CC2D1B: variants seen among roughly 807,000 people sequenced by gnomAD.
CC2D1B encodes the protein coiled-coil and C2 domain containing 1B.
In CC2D1B, 92 loss-of-function variants were observed where a neutral mutation model predicts 110.8. The ratio of observed to expected loss-of-function variants is 0.83; its 90% confidence interval spans 0.70 to 0.99. The LOEUF is 0.99. Ranked by LOEUF, CC2D1B falls within the 50% of genes least tolerant of loss-of-function variation. The pLI is 0.00. For synonymous variants in CC2D1B, 406 were observed against 429.2 expected, an observed-to-expected ratio of 0.95 and a Z score of 0.67; for missense variants, 1,136 against 1,089.0, an observed-to-expected ratio of 1.04 and a Z score of -0.61.
chr1:52,354,909 T>G lies in CC2D1B; in HGVS notation c.2270A>C (p.Asn757Thr), dbSNP rs373099868. 1.9e-6 allele frequency: 3 copies of G among 1,613,994 alleles called. No individual in the cohort carries two copies. Among genetic ancestry groups the G allele is most frequent in the East Asian group, 2.2e-5 (1 of 44,872 alleles). Residue 757 changes from asparagine to threonine, a missense_variant, in exon 22 of 25, where the codon AAC becomes ACC. Coordinates refer to ENST00000284376, the MANE Select transcript of CC2D1B (RefSeq NM_001330585.2). ...EFDQLFKLNI[N>T]RNHRGFKRVI... ...CCTCTTGAAGCCCCGGTGGTTTCGG[T>G]TGATGTTTAGTTTGAAGAGTTGATC...
At chr1:52,354,981 G>A (rs1646616241) in intron 21 of CC2D1B, 42 bp from the exon 22 acceptor site, 2 of 1,521,520 alleles carry the variant, frequency 1.3e-6, no homozygotes, top group Non-Finnish European at 1.8e-6. Flanking sequence ...TGGCTCTCGG[G>A]ATTTCCTGAG....
chr1:52,364,683 C>A (rs1260389848), intron 1 of CC2D1B, 49 bp from the exon 2 acceptor site: 2 of 1,273,812 alleles, frequency 1.6e-6, no homozygotes, highest in African/African-American at 2.9e-5. Context: ...ATAAGCCACG[C>A]CCCCAACAGT....
intron 2 of CC2D1B, 76 bp downstream of exon 2, chr1:52,364,476 G>T: frequency 2.2e-6 from 2 of 897,366 alleles, no homozygotes; most frequent in South Asian, 3.5e-5. Flanking sequence ...AACTACATGT[G>T]ATCCAGTTTG....
At position 52,356,279 on chromosome 1, in the gene CC2D1B, C is replaced by G. The variant is rs759148224; in HGVS notation, c.1961G>C (p.Arg654Pro). 3.1e-6 allele frequency: 5 copies of G among 1,614,178 alleles called. No homozygotes were observed. The highest frequency in any genetic ancestry group is 2.2e-5 in the East Asian group (1 of 44,876). The change falls in exon 18 of 25, where the codon CGC becomes CCC. Residue 654 changes from arginine (R) to proline (P), a missense_variant. Arg to Pro is a moderately radical substitution (Grantham distance 103). Coordinates refer to ENST00000284376, the MANE Select transcript of CC2D1B (RefSeq NM_001330585.2). ...TTRFEKLAQD[R>P]KKQLEILQLA... ...CTGCAGGATCTCCAGCTGTTTCTTG[C>G]GGTCCTGAGCAAGCTTCTCAAATCT...
intron 7 of CC2D1B, 29 bp from the exon 8 acceptor site, chr1:52,359,912 G>A (rs778688582): frequency 6.3e-7 from 1 of 1,598,050 alleles, no homozygotes; most frequent in South Asian, 1.1e-5. Flanking sequence ...TCCCCAGAGA[G>A]CACATGAGGG....
chr1:52,361,244 T>A, intron 4 of CC2D1B, 112 bp from the exon 5 acceptor site: 1 of 1,331,680 alleles, frequency 7.5e-7, no homozygotes, highest in Non-Finnish European at 1.0e-6. Flanking sequence ...CGTCAGTCAC[T>A]GTGCCTGAGT....
rs919529717 is a variant in CC2D1B at position 52,353,319 on chromosome 1, A to ATAGTT, written c.*2-101_*2-97dup. ...TTCCTGAAGATAGATAGATAGATAGATAGTTAAACCTTGGAAGGTTACCTT... is the reference window on the plus strand; with the variant it reads ...TTCCTGAAGATAGATAGATAGATAGATAGTTTAGTTAAACCTTGGAAGGTTACCTT... On this transcript the variant is annotated intron_variant, in intron 24 of 24. Transcript: ENST00000284376. The ATAGTT allele has an allele frequency of 1.6e-5, 23 of 1,468,306 alleles. No homozygotes were observed. The Admixed American group carries it at 2.8e-4, about 18-fold the overall frequency. 91.0% of individuals were successfully genotyped at this position (1,468,306 alleles called of 1,614,324 possible).
chr1:52,359,923 T>C, intron 7 of CC2D1B, 40 bp from the exon 8 acceptor site: 1 of 1,589,972 alleles, frequency 6.3e-7, no homozygotes, highest in East Asian at 2.3e-5. Flanking sequence ...CACATGAGGG[T>C]CACAGAAGAA....
chr1:52,365,067 G>A (rs1271186943), intron 1 of CC2D1B, among the ~76,000 whole-genome samples: 1 of 152,186 alleles, frequency 6.6e-6, no homozygotes, highest in Non-Finnish European at 1.5e-5. Context: ...TGTGGTGAGG[G>A]GCTATGACCA....
In CC2D1B at chr1:52,361,118, C is replaced by T; in HGVS notation, c.333G>A (p.Glu111=). The part of the protein sequence containing the change: ...EDAELLTELQ[E]VLGVDEETEP... ...CAGTCTCCTCGTCCACACCTAAGAC[C>T]TCCTGCAGCTCCGTCTAGGGAGACA... The change falls in exon 5 of 25, where the codon GAG becomes GAA. Residue 111 remains glutamate (E), a synonymous_variant. Transcript: ENST00000284376. 1 of 1,614,084 alleles carries T rather than the reference C, an allele frequency of 6.2e-7. No individual in the cohort carries two copies. Among genetic ancestry groups the T allele is most frequent in the South Asian group, 1.1e-5 (1 of 91,078 alleles).
Position 52,355,593 on chromosome 1 carries a change from C to T in CC2D1B, c.2187+15G>A. The T allele has an allele frequency of 6.2e-7, 1 of 1,614,110 alleles. No homozygotes were observed. The highest frequency in any genetic ancestry group is 8.5e-7 in the Non-Finnish European group (1 of 1,179,930). ...AGGCGGGTTTCAGAGGATCCTACTT[C>T]TACCTGAACCTCACCGAGTTAGGGT... is the stretch of plus-strand genomic sequence containing the variant. On this transcript the variant is annotated intron_variant, in intron 20 of 24. Transcript: ENST00000284376.
intron 4 of CC2D1B, 117 bp from the exon 5 acceptor site, chr1:52,361,249 C>T (rs982836805): frequency 7.4e-5 from 97 of 1,307,716 alleles, no homozygotes; most frequent in Non-Finnish European, 9.9e-5. Flanking sequence ...GTCACTGTGC[C>T]TGAGTCCCCT....
In CC2D1B at chr1:52,352,986, G is replaced by A; in HGVS notation, c.*239C>T. 5.3e-6 allele frequency: 2 copies of A among 379,700 alleles called. No individual in the cohort carries two copies. The highest frequency in any genetic ancestry group is 1.5e-4 in the East Asian group (2 of 13,574). 23.5% of individuals were successfully genotyped at this position (379,700 alleles called of 1,614,324 possible). ...GTGTCCTTGCCCTCTTCCAGACTCGGGGCAGGGGGAGACAGCGGGGAGATG... is the reference window on the plus strand; with the variant it reads ...GTGTCCTTGCCCTCTTCCAGACTCGAGGCAGGGGGAGACAGCGGGGAGATG... On this transcript the variant is annotated 3_prime_UTR_variant, in exon 25 of 25. Coordinates refer to ENST00000284376, the MANE Select transcript of CC2D1B (RefSeq NM_001330585.2).
In CC2D1B at chr1:52,360,418, A is replaced by AGT; in HGVS notation, c.603+5_603+6insAC. On this transcript the variant is annotated splice_donor_region_variant and intron_variant, in intron 6 of 24. Transcript: ENST00000284376. ...CCTGCCCTGCTCCCAGCCTAGCCCG[A>AGT]CTCACCTTCAGGCCGCGCTCGCAGC... 6.2e-7 allele frequency: 1 copy of AGT among 1,611,994 alleles called. No homozygotes were observed. The highest frequency in any genetic ancestry group is 8.5e-7 in the Non-Finnish European group (1 of 1,179,392).
At position 52,353,617 on chromosome 1, in the gene CC2D1B, T is replaced by C. The variant is rs986300698; in HGVS notation, c.2461A>G (p.Lys821Glu). 3.3e-5 allele frequency: 53 copies of C among 1,609,836 alleles called. No homozygotes were observed. In the Middle Eastern group the frequency reaches 4.9e-4, roughly 15 times the overall value. ...VLDGRKPTGG[K>E]LEVKVRLREP... ...CGCAGCCTCACCTTCACCTCCAGCT[T>C]CCCCCCGGTGGGCTTCCTTCCATCC... The change falls in exon 24 of 25, where the codon AAG (lysine) becomes GAG (glutamate). Residue 821 changes from lysine to glutamate, a missense_variant. Coordinates refer to ENST00000284376, the MANE Select transcript of CC2D1B (RefSeq NM_001330585.2).
intron 24 of CC2D1B, 87 bp from the exon 25 acceptor site, chr1:52,353,310 G>A (rs1050622916): frequency 7.5e-6 from 11 of 1,471,774 alleles, no homozygotes; most frequent in Non-Finnish European, 9.9e-6. Context: ...AAGATAGATA[G>A]ATAGATAGAT....
intron 7 of CC2D1B, 74 bp downstream of exon 7, chr1:52,360,000 G>T: frequency 6.5e-7 from 1 of 1,546,898 alleles, no homozygotes; most frequent in South Asian, 1.2e-5. Flanking sequence ...AATGAACAGT[G>T]GTGGCAGGCT....
Position 52,354,884 on chromosome 1 carries a change from C to T in CC2D1B, c.2295G>A (p.Arg765=), listed in dbSNP as rs763148183. 3.1e-6 allele frequency: 5 copies of T among 1,614,070 alleles called. No homozygotes were observed. Among genetic ancestry groups the T allele is most frequent in the South Asian group, 1.1e-5 (1 of 91,096 alleles). ...ACTTGATGCCTTTGCTCTGGATCAC[C>T]CTCTTGAAGCCCCGGTGGTTTCGGT... is the stretch of plus-strand genomic sequence containing the variant. ...NINRNHRGFK[R]VIQSKGIKFE... is the part of the protein sequence containing the mutation. The change falls in exon 22 of 25, where the codon AGG becomes AGA. Residue 765 remains arginine, a synonymous_variant. Coordinates refer to ENST00000284376, the MANE Select transcript of CC2D1B (RefSeq NM_001330585.2).
rs1557558341 is a variant in CC2D1B at position 52,364,649 on chromosome 1, CAG to C, written c.-14-17_-14-16del. On this transcript the variant is annotated splice_polypyrimidine_tract_variant and intron_variant, in intron 1 of 24. Coordinates refer to ENST00000284376, the MANE Select transcript of CC2D1B (RefSeq NM_001330585.2). ...AGCCTAGATACCTATGGAAGAGTTA[CAG>C]AGATTCAGGCTGGAGTAGCCCATAA... 3 of 1,573,218 alleles carry C rather than the reference CAG, an allele frequency of 1.9e-6. No homozygotes were observed. Among genetic ancestry groups the C allele is most frequent in the Non-Finnish European group, 2.6e-6 (3 of 1,146,406 alleles).
Sources: allele counts gnomAD v4.1 joint callset (sites outside exome capture counted in the v4.1 genomes callset), GRCh38; gene constraint gnomAD v4.1.1; transcripts MANE v1.5; gene names NCBI Gene and HGNC (gene_info 2026-07-23, HGNC 2026-07-21).